Variants in ADAMTSL1 observed in about 807,000 individuals in gnomAD.
ADAMTSL1 encodes ADAMTS like 1, also known as ADAMTS-like protein 1.
A neutral mutation model predicts 201.8 loss-of-function variants in ADAMTSL1; 126 were observed. That is an observed-to-expected ratio of 0.62 (90% CI 0.54 to 0.72). The LOEUF is 0.72. ADAMTSL1 is among the 30% of genes least tolerant of loss of function. The pLI, the probability that ADAMTSL1 is intolerant of heterozygous loss-of-function variation, is 0.00. For missense variants in ADAMTSL1, 2,679 were observed against 2,277.8 expected (o/e 1.18, Z -3.59); for synonymous variants, 1,121 against 903.4 (o/e 1.24, Z -4.32).
At chr9:18,302,590 G>C (rs80347812) in intron 2 of ADAMTSL1, among the ~76,000 whole-genome samples, 2,925 of 152,228 alleles carry the variant, frequency 0.019, 97 homozygotes, top group African/African-American at 0.067. Flanking sequence ...TATAGAGTGA[G>C]TACTCTATAA....
intron 1 of ADAMTSL1, among the ~76,000 whole-genome samples, chr9:17,986,238 AATTG>A (rs1818924128): frequency 6.6e-6 from 1 of 152,012 alleles, no homozygotes; most frequent in Admixed American, 6.6e-5. Context: ...ACTTAAGGTA[AATTG>A]ATTGAGAAAA....
At chr9:18,743,742 G>A (rs1451152308) in intron 15 of ADAMTSL1, among the ~76,000 whole-genome samples, 1 of 152,004 alleles carries the variant, frequency 6.6e-6, no homozygotes, top group Non-Finnish European at 1.5e-5. Flanking sequence ...ACATGTTTCT[G>A]GTTAATTTTT....
chr9:18,646,026 G>C (rs1394337822), intron 7 of ADAMTSL1, among the ~76,000 whole-genome samples: 4 of 152,160 alleles, frequency 2.6e-5, no homozygotes, highest in African/African-American at 4.8e-5. Context: ...CATGAGCATA[G>C]AATGTTCTTC....
chr9:18,498,740 G>C (rs1297775813), intron 1 of ADAMTSL1, among the ~76,000 whole-genome samples: 1 of 152,176 alleles, frequency 6.6e-6, no homozygotes, highest in African/African-American at 2.4e-5. Flanking sequence ...TCTAAAGTCT[G>C]TGCTCTTTCT....
intron 2 of ADAMTSL1, among the ~76,000 whole-genome samples, chr9:18,449,746 G>C (rs532695349): frequency 3.3e-5 from 5 of 152,296 alleles, no homozygotes; most frequent in Admixed American, 2.0e-4. Context: ...ACAGATGATA[G>C]ATGCAGGTGT....
Position 18,561,164 on chromosome 9 carries a change from C to G in ADAMTSL1, c.238-12866C>G, listed in dbSNP as rs567810181. On this transcript the variant is annotated intron_variant, in intron 3 of 28. Coordinates refer to ENST00000380548, the MANE Select transcript of ADAMTSL1 (RefSeq NM_001040272.6). ...GATCTTTCCCACTTTCTCCTGTGGG[C>G]ATTTAGTGCTATAAATTTCCCTCTA... 3.9e-5 allele frequency among the ~76,000 whole-genome samples: 6 copies of G among 152,254 alleles called. No individual in the cohort carries two copies. In the South Asian group the frequency reaches 1.2e-3, roughly 32 times the overall value.
intron 1 of ADAMTSL1, among the ~76,000 whole-genome samples, chr9:18,118,464 G>A (rs565609912): frequency 6.6e-6 from 1 of 152,174 alleles, no homozygotes; most frequent in African/African-American, 2.4e-5. Flanking sequence ...ACTCAATCCT[G>A]TTGTTAGGAT....
intron 2 of ADAMTSL1, among the ~76,000 whole-genome samples, chr9:18,396,189 T>A (rs1022094314): frequency 6.6e-6 from 1 of 152,162 alleles, no homozygotes; most frequent in Non-Finnish European, 1.5e-5. Flanking sequence ...TGCTCCTGCC[T>A]TTGCACAGTC....
intron 2 of ADAMTSL1, among the ~76,000 whole-genome samples, chr9:18,231,560 C>A (rs540144573): frequency 5.1e-4 from 78 of 152,238 alleles, no homozygotes; most frequent in African/African-American, 1.8e-3. Context: ...TGAATTGTTT[C>A]TTTACTCTCC....
intron 20 of ADAMTSL1, among the ~76,000 whole-genome samples, chr9:18,800,377 CAAAAAAAAAA>C (rs58346548): frequency 4.4e-3 from 266 of 60,670 alleles, no homozygotes; most frequent in African/African-American, 0.015. Flanking sequence ...AACTCCATCT[CAAAAAAAAAA>C]AAAAAAAAAA....
chr9:18,221,139 C>T (rs1470224259), intron 2 of ADAMTSL1, among the ~76,000 whole-genome samples: 1 of 152,124 alleles, frequency 6.6e-6, no homozygotes, highest in Non-Finnish European at 1.5e-5. Flanking sequence ...AGATATCATG[C>T]CTTCCTCCTG....
intron 2 of ADAMTSL1, among the ~76,000 whole-genome samples, chr9:18,334,149 G>A (rs1464886230): frequency 2.6e-5 from 4 of 152,108 alleles, no homozygotes; most frequent in African/African-American, 7.2e-5. Flanking sequence ...CAGAGTGTTA[G>A]TAAGCATTTA....
chr9:18,897,149 C>A (rs755149700), intron 26 of ADAMTSL1, among the ~76,000 whole-genome samples: 1 of 152,200 alleles, frequency 6.6e-6, no homozygotes, highest in South Asian at 2.1e-4. Context: ...AAGTGGGACC[C>A]TGATCCATCT....
At chr9:18,361,960 T>C (rs1360809810) in intron 2 of ADAMTSL1, 3 of 152,174 alleles carry the variant, frequency 2.0e-5, no homozygotes, top group South Asian at 2.1e-4. Context: ...ATACTTCTTG[T>C]GCCTAGAGGG....
chr9:18,013,890 A>G (rs1477136928), intron 1 of ADAMTSL1, among the ~76,000 whole-genome samples: 3 of 151,984 alleles, frequency 2.0e-5, no homozygotes, highest in Non-Finnish European at 4.4e-5. Flanking sequence ...AAAAGTGGTT[A>G]AAAATTAAAA....
intron 23 of ADAMTSL1, among the ~76,000 whole-genome samples, chr9:18,878,394 G>A (rs777212455): frequency 1.8e-4 from 27 of 152,324 alleles, no homozygotes; most frequent in South Asian, 4.1e-4. Context: ...TCCACTGGCA[G>A]CTCTCTCCAA....
At chr9:17,928,018 A>G (rs1365054708) in intron 1 of ADAMTSL1, among the ~76,000 whole-genome samples, 2 of 144,920 alleles carry the variant, frequency 1.4e-5, no homozygotes, top group African/African-American at 5.2e-5. Flanking sequence ...TTTTTGAGAC[A>G]GGGTCTTGCT....
chr9:18,682,892 G>A (rs955108023), intron 12 of ADAMTSL1, among the ~76,000 whole-genome samples: 2 of 152,036 alleles, frequency 1.3e-5, no homozygotes, highest in South Asian at 2.1e-4. Flanking sequence ...CATCTCTCTC[G>A]AAGCCTTGGT....
chr9:18,267,910 A>AATTTCTCATAATCTCACAATATACAG (rs1349643356), intron 2 of ADAMTSL1, among the ~76,000 whole-genome samples: 2 of 152,088 alleles, frequency 1.3e-5, no homozygotes, highest in Non-Finnish European at 2.9e-5. Context: ...TTTGCCTTCT[A>AATTTCTCATAATCTCACAATATACAG]ATTTCTCATA....
Sources: gnomAD v4.1 joint callset for allele counts (sites outside exome capture counted in the v4.1 genomes callset) on GRCh38, gnomAD v4.1.1 for gene constraint, MANE v1.5 for transcripts, NCBI Gene and HGNC (gene_info 2026-07-23, HGNC 2026-07-21) for gene names.